COL25A1: variants seen among roughly 807,000 people sequenced by gnomAD.
COL25A1 encodes the protein collagen type XXV alpha 1 chain.
COL25A1 carries 103 observed loss-of-function variants against 128.4 expected under a neutral mutation model. The observed-to-expected ratio is 0.80, with a 90% CI of 0.68 to 0.94. The LOEUF (loss-of-function observed/expected upper bound fraction) is 0.94. Ranked by LOEUF, COL25A1 falls within the 40% of genes least tolerant of loss-of-function variation. The pLI is 0.00. For synonymous variants in COL25A1, 279 were observed against 277.2 expected (o/e 1.01, Z -0.06); for missense variants, 745 against 840.0 (o/e 0.89, Z 1.40).
intron 3 of COL25A1, among the ~76,000 whole-genome samples, chr4:109,229,240 A>C (rs1179988845): frequency 6.6e-6 from 1 of 152,212 alleles, no homozygotes; most frequent in African/African-American, 2.4e-5. Flanking sequence ...CAACATGACA[A>C]ACTTATTCTT....
At chr4:109,274,902 C>G (rs1019651414) in intron 3 of COL25A1, among the ~76,000 whole-genome samples, 18 of 152,080 alleles carry the variant, frequency 1.2e-4, no homozygotes, top group Admixed American at 5.2e-4. Context: ...CAGTGTGTGT[C>G]GGCACAGTAA....
At chr4:109,019,703 G>A (rs576055584) in intron 5 of COL25A1, among the ~76,000 whole-genome samples, 6 of 152,134 alleles carry the variant, frequency 3.9e-5, no homozygotes, top group African/African-American at 1.4e-4. Flanking sequence ...CCCTTGACAC[G>A]TGGGGATTAT....
chr4:109,220,421 T>C (rs1778328085), intron 3 of COL25A1, among the ~76,000 whole-genome samples: 1 of 152,272 alleles, frequency 6.6e-6, no homozygotes, highest in South Asian at 2.1e-4. Context: ...CAATTCAAAC[T>C]AGACACAAAG....
intron 5 of COL25A1, among the ~76,000 whole-genome samples, chr4:109,044,183 G>A (rs1760202582): frequency 6.6e-6 from 1 of 151,788 alleles, no homozygotes; most frequent in Admixed American, 6.6e-5. Context: ...AAGCTTCCTA[G>A]AGAATAAATT....
intron 3 of COL25A1, among the ~76,000 whole-genome samples, chr4:109,203,877 T>C (rs1776767787): frequency 6.6e-6 from 1 of 152,150 alleles, no homozygotes; most frequent in Non-Finnish European, 1.5e-5. Context: ...TATGATTAAA[T>C]AGAAATTTGC....
intron 3 of COL25A1, among the ~76,000 whole-genome samples, chr4:109,243,196 T>C (rs1003745712): frequency 3.9e-5 from 6 of 152,040 alleles, no homozygotes; most frequent in African/African-American, 1.4e-4. Context: ...TTTTACAATG[T>C]GGGATGGGAG....
At chr4:109,142,501 T>G (rs890697054) in intron 3 of COL25A1, among the ~76,000 whole-genome samples, 1 of 152,028 alleles carries the variant, frequency 6.6e-6, no homozygotes, top group African/African-American at 2.4e-5. Flanking sequence ...TAATCTAATA[T>G]TGACAGTGGG....
At chr4:108,861,192 A>G (rs1737173001) in intron 22 of COL25A1, among the ~76,000 whole-genome samples, 1 of 152,220 alleles carries the variant, frequency 6.6e-6, no homozygotes, top group South Asian at 2.1e-4. Context: ...GTAATAGAGT[A>G]TCTTGAAACA....
In COL25A1 at chr4:108,810,334, G is replaced by A. The variant is rs1221704385; in HGVS notation, c.*3593C>T. On this transcript the variant is annotated 3_prime_UTR_variant, in exon 38 of 38. Coordinates refer to ENST00000399132, the MANE Select transcript of COL25A1 (RefSeq NM_198721.4). ...ATATGTCTATATAGATAGATAGTTA[G>A]ACAAAGGACATGTAGTATAAACTAG... The A allele has an allele frequency of 6.6e-6, 1 of 151,928 alleles. No homozygotes were observed. Among genetic ancestry groups the A allele is most frequent in the African/African-American group, 2.4e-5 (1 of 41,432 alleles). 9.4% of individuals were successfully genotyped at this position (151,928 alleles called of 1,614,324 possible).
At chr4:108,881,334 C>T (rs1011020699) in intron 19 of COL25A1, among the ~76,000 whole-genome samples, 9 of 152,074 alleles carry the variant, frequency 5.9e-5, no homozygotes, top group Non-Finnish European at 8.8e-5. Flanking sequence ...AACCATTCCC[C>T]GAGAGCAACA....
At chr4:109,034,504 T>G (rs1282663262) in intron 5 of COL25A1, among the ~76,000 whole-genome samples, 2 of 152,222 alleles carry the variant, frequency 1.3e-5, no homozygotes, top group East Asian at 3.8e-4. Context: ...AGAGTGGTTC[T>G]GTCCATGTGA....
At chr4:109,177,232 C>T (rs188985859) in intron 3 of COL25A1, among the ~76,000 whole-genome samples, 2 of 152,244 alleles carry the variant, frequency 1.3e-5, no homozygotes, top group Non-Finnish European at 2.9e-5. Flanking sequence ...TGCCTAGTTG[C>T]GTCATTGGAC....
intron 3 of COL25A1, among the ~76,000 whole-genome samples, chr4:109,148,461 T>A (rs1771161679): frequency 6.6e-6 from 1 of 152,114 alleles, no homozygotes. Flanking sequence ...CATTCTACCA[T>A]CCCACCAGGT....
chr4:109,080,948 CATA>C (rs1210707563), intron 3 of COL25A1, among the ~76,000 whole-genome samples: 4 of 152,152 alleles, frequency 2.6e-5, no homozygotes, highest in Non-Finnish European at 5.9e-5. Flanking sequence ...ATTTGATCCT[CATA>C]AAAGTTCTGG....
intron 3 of COL25A1, among the ~76,000 whole-genome samples, chr4:109,269,089 C>A (rs1343568525): frequency 1.7e-5 from 2 of 120,656 alleles, no homozygotes; most frequent in Non-Finnish European, 3.4e-5. Context: ...CCCCTCCCCC[C>A]ACCCCACAAC....
chr4:108,929,936 G>A (rs945027884), intron 11 of COL25A1, among the ~76,000 whole-genome samples: 1 of 152,074 alleles, frequency 6.6e-6, no homozygotes, highest in Non-Finnish European at 1.5e-5. Context: ...GACATCAATT[G>A]GGAGAAAAAC....
chr4:109,161,306 G>A (rs1462632774), intron 3 of COL25A1, among the ~76,000 whole-genome samples: 1 of 152,100 alleles, frequency 6.6e-6, no homozygotes, highest in Non-Finnish European at 1.5e-5. Flanking sequence ...ATAGTGTATG[G>A]GACAGCCACA....
At chr4:108,953,241 T>C (rs1308358726) in intron 8 of COL25A1, among the ~76,000 whole-genome samples, 1 of 152,172 alleles carries the variant, frequency 6.6e-6, no homozygotes, top group African/African-American at 2.4e-5. Context: ...CTTGCAATGG[T>C]ACTCTTATAG....
chr4:109,229,408 GT>G (rs1779022298), intron 3 of COL25A1, among the ~76,000 whole-genome samples: 1 of 152,108 alleles, frequency 6.6e-6, no homozygotes, highest in African/African-American at 2.4e-5. Flanking sequence ...CTTCATGTAT[GT>G]TTTTGTTTAA....
Sources: gnomAD v4.1 joint callset for allele counts (sites outside exome capture counted in the v4.1 genomes callset) on GRCh38, gnomAD v4.1.1 for gene constraint, MANE v1.5 for transcripts, NCBI Gene and HGNC (gene_info 2026-07-23, HGNC 2026-07-21) for gene names.